The following ADAMTS19 variants were observed in gnomAD, a reference collection of about 807,000 sequenced individuals.
The protein encoded by ADAMTS19 is A disintegrin and metalloproteinase with thrombospondin motifs 19.
A neutral mutation model predicts 153.3 loss-of-function variants in ADAMTS19; 93 were observed. The observed-to-expected ratio is 0.61, with a 90% CI of 0.51 to 0.72. ADAMTS19 has a LOEUF of 0.72. Among genes scored for constraint, ADAMTS19 ranks in the 30% least tolerant of loss-of-function variants. The pLI is 0.00. For synonymous variants in ADAMTS19, 600 were observed against 556.6 expected (o/e 1.08, Z -1.10); for missense variants, 1,482 against 1,552.1 (o/e 0.95, Z 0.76).
intron 6 of ADAMTS19, among the ~76,000 whole-genome samples, chr5:129,545,951 G>A (rs1420641357): frequency 6.7e-6 from 1 of 148,988 alleles, no homozygotes; most frequent in Non-Finnish European, 1.5e-5. Flanking sequence ...GTTTATTGCG[G>A]CACTATTCAC....
intron 7 of ADAMTS19, among the ~76,000 whole-genome samples, chr5:129,556,694 G>GAC (rs1274392945): frequency 5.3e-5 from 8 of 152,072 alleles, no homozygotes; most frequent in African/African-American, 9.7e-5. Flanking sequence ...GTCAGAGAGA[G>GAC]ACATGATTAC....
intron 11 of ADAMTS19, among the ~76,000 whole-genome samples, chr5:129,645,885 ATTTT>A (rs529444004): frequency 0.011 from 1,106 of 97,106 alleles, 34 homozygotes; most frequent in African/African-American, 0.047. Flanking sequence ...TCCTTTTCCA[ATTTT>A]TTTTTTTTTT....
At chr5:129,514,907 G>C (rs10072968) in intron 3 of ADAMTS19, among the ~76,000 whole-genome samples, 1 of 151,936 alleles carries the variant, frequency 6.6e-6, no homozygotes, top group African/African-American at 2.4e-5. Context: ...TCTTGTAATA[G>C]TTTCATAGTT....
intron 7 of ADAMTS19, among the ~76,000 whole-genome samples, chr5:129,553,085 T>C (rs1191449727): frequency 6.6e-6 from 1 of 152,152 alleles, no homozygotes; most frequent in Non-Finnish European, 1.5e-5. Flanking sequence ...TATCTGGTTT[T>C]TGTTACCCTA....
chr5:129,489,243 G>T (rs1000382415), intron 2 of ADAMTS19, among the ~76,000 whole-genome samples: 1 of 152,056 alleles, frequency 6.6e-6, no homozygotes, highest in Non-Finnish European at 1.5e-5. Flanking sequence ...TAGTTGATGA[G>T]AACTTTTTAT....
At position 129,546,251 on chromosome 5, in the gene ADAMTS19, C is replaced by T. The variant is rs774193958; in HGVS notation, c.1329-5613C>T. 1.9e-3 allele frequency among the ~76,000 whole-genome samples: 207 copies of T among 106,816 alleles called. 2 individuals carry two copies. The highest frequency in any genetic ancestry group is 4.0e-3 in the Admixed American group (38 of 9,428). 70.1% of individuals were successfully genotyped at this position (106,816 alleles called of 152,430 possible). The stretch of plus-strand genomic sequence containing the variant: ...GGGACTGTGGTGGGGTGGGGGCAGG[C>T]GGGAGGGATAGCATTGGGAGATATA... On this transcript the variant is annotated intron_variant, in intron 6 of 22. Transcript: ENST00000274487.
At chr5:129,549,177 A>G (rs965501732) in intron 6 of ADAMTS19, among the ~76,000 whole-genome samples, 110 of 143,900 alleles carry the variant, frequency 7.6e-4, no homozygotes, top group Middle Eastern at 3.5e-3. Flanking sequence ...AAAGTATAAT[A>G]ATAATAAAAT....
At chr5:129,523,301 A>T (rs562342101) in intron 3 of ADAMTS19, among the ~76,000 whole-genome samples, 2 of 152,320 alleles carry the variant, frequency 1.3e-5, no homozygotes, top group African/African-American at 4.8e-5. Flanking sequence ...AGTTAGAGAC[A>T]TACAGGGAAT....
Position 129,461,446 on chromosome 5 carries a change from T to A in ADAMTS19, c.436T>A (p.Trp146Arg), listed in dbSNP as rs921785538. Residue 146 changes from tryptophan to arginine, a missense_variant, in exon 2 of 23, where the codon TGG becomes AGG. By Grantham distance (101) the Trp-to-Arg change is moderately radical (BLOSUM62 -3). Around this residue, in one of 2 missense-constraint regions of ADAMTS19, gnomAD observed 866 missense variants for 827.7 expected, o/e 1.05. Transcript: ENST00000274487. The surrounding 1 kb of genome is among the most constrained non-coding windows in gnomAD (Gnocchi z 4.6). ...CTTGTCCCCGGGCGCCCCGGCCTCG[T>A]GGCAGCCGCCGCCTCCCCCGCAGCC... ...AALSPGAPAS[W>R]QPPPPPQPPP... 2.6e-5 allele frequency: 38 copies of A among 1,437,690 alleles called. No individual in the cohort carries two copies. Among genetic ancestry groups the A allele is most frequent in the Non-Finnish European group, 3.3e-5 (36 of 1,106,128 alleles). The allele number at this position is 1,437,690 out of a possible 1,614,324, so 89.1% of individuals were successfully genotyped here.
In ADAMTS19 at chr5:129,498,485, T is replaced by C. The variant is rs184328687; in HGVS notation, c.748-10592T>C. Among the ~76,000 whole-genome samples the C allele has an allele frequency of 4.6e-5, 7 of 152,196 alleles. 1 individual carries two copies. In the East Asian group the frequency reaches 1.4e-3, roughly 29 times the overall value. On this transcript the variant is annotated intron_variant, in intron 2 of 22. Coordinates refer to ENST00000274487, the MANE Select transcript of ADAMTS19 (RefSeq NM_133638.6). ...CTGGTACTAAGTATTATAGCTATAT[T>C]ACTTATTCTTTATTTGTTACTTTTT...
At chr5:129,681,923 A>G (rs1182846906) in intron 17 of ADAMTS19, among the ~76,000 whole-genome samples, 1 of 152,216 alleles carries the variant, frequency 6.6e-6, no homozygotes, top group Non-Finnish European at 1.5e-5. Flanking sequence ...TAATAACAGT[A>G]TCAACAGCAA....
At chr5:129,658,471 C>A in intron 14 of ADAMTS19, 146 bp from the exon 15 acceptor site, 1 of 782,716 alleles carries the variant, frequency 1.3e-6, no homozygotes, top group East Asian at 2.9e-5. Flanking sequence ...TAGCTTGCAC[C>A]AGAGAATGAC....
intron 18 of ADAMTS19, chr5:129,687,969 C>T (rs1218944293): frequency 6.6e-6 from 1 of 152,152 alleles, no homozygotes; most frequent in Admixed American, 6.5e-5. Flanking sequence ...TTGAATAGAT[C>T]TCCTCTTCCA....
chr5:129,722,480 A>G (rs922119959), intron 21 of ADAMTS19, among the ~76,000 whole-genome samples: 2 of 151,246 alleles, frequency 1.3e-5, no homozygotes, highest in Non-Finnish European at 1.5e-5. Context: ...AATTCCTTGT[A>G]AATTCTGGAT....
intron 7 of ADAMTS19, among the ~76,000 whole-genome samples, chr5:129,587,870 G>C (rs184840634): frequency 6.6e-6 from 1 of 152,068 alleles, no homozygotes; most frequent in Non-Finnish European, 1.5e-5. Flanking sequence ...ATCAAGTCCA[G>C]CTTCTCAGTC....
At chr5:129,676,319 T>TG (rs1217563371) in intron 16 of ADAMTS19, among the ~76,000 whole-genome samples, 3 of 152,232 alleles carry the variant, frequency 2.0e-5, no homozygotes, top group Non-Finnish European at 4.4e-5. Flanking sequence ...TTAAAAGCTT[T>TG]GTCAGTATGC....
intron 6 of ADAMTS19, among the ~76,000 whole-genome samples, chr5:129,542,780 A>T (rs1237126333): frequency 6.6e-6 from 1 of 152,172 alleles, no homozygotes; most frequent in African/African-American, 2.4e-5. Context: ...CAATACTGAC[A>T]ATCAAATTAT....
intron 16 of ADAMTS19, among the ~76,000 whole-genome samples, chr5:129,675,840 C>G (rs1293465095): frequency 6.6e-6 from 1 of 152,152 alleles, no homozygotes; most frequent in East Asian, 1.9e-4. Context: ...TTCAGCCTGA[C>G]CAACATGGTA....
chr5:129,602,826 C>CTGTGTGTG (rs56060749), intron 8 of ADAMTS19, among the ~76,000 whole-genome samples: 12,148 of 146,620 alleles, frequency 0.083, 534 homozygotes, highest in Non-Finnish European at 0.094. Flanking sequence ...CTTATATTCT[C>CTGTGTGTG]TGTGTGTGTG....
Sources: gnomAD v4.1 joint callset for allele counts (sites outside exome capture counted in the v4.1 genomes callset) on GRCh38, gnomAD v4.1.1 for gene constraint, gnomAD v4.1.1 regional missense constraint, Gnocchi (gnomAD v3.1) non-coding constraint, MANE v1.5 for transcripts, NCBI Gene and HGNC (gene_info 2026-07-23, HGNC 2026-07-21) for gene names.